Variants in CD274 observed in about 807,000 individuals in gnomAD.
The protein encoded by CD274 is CD274 molecule.
In CD274, 8 loss-of-function variants were observed where a neutral mutation model predicts 30.1. The ratio of observed to expected loss-of-function variants is 0.27; its 90% CI spans 0.16 to 0.48. The LOEUF is 0.48. Ranked by LOEUF, CD274 falls within the 20% of genes least tolerant of loss-of-function variation. CD274 has a pLI of 0.99. For missense variants in CD274, 353 were observed against 346.6 expected, an observed-to-expected ratio of 1.02 and a Z score of -0.15; for synonymous variants, 152 against 124.6, an observed-to-expected ratio of 1.22 and a Z score of -1.46.
In CD274 at chr9:5,463,005, A is replaced by G. The variant is rs1819433319; in HGVS notation, c.566A>G (p.Lys189Arg). The G allele has an allele frequency of 3.1e-6, 5 of 1,614,088 alleles. No individual in the cohort carries two copies. Among genetic ancestry groups the G allele is most frequent in the Non-Finnish European group, 4.2e-6 (5 of 1,179,946 alleles). The change falls in exon 4 of 7, where the codon AAG becomes AGG. Residue 189 changes from lysine (K) to arginine (R), a missense_variant. Physicochemically the swap from Lys to Arg is conservative, Grantham distance 26. Coordinates refer to ENST00000381577, the MANE Select transcript of CD274 (RefSeq NM_014143.4). ...TTTTNSKREE[K>R]LFNVTSTLRI... The stretch of plus-strand genomic sequence containing the variant: ...ACCACCAATTCCAAGAGAGAGGAGA[A>G]GCTTTTCAATGTGACCAGCACACTG...
chr9:5,466,862 G>GAAA, intron 6 of CD274, 33 bp downstream of exon 6: 2 of 1,519,790 alleles, frequency 1.3e-6, no homozygotes, highest in Non-Finnish European at 1.8e-6. Context: ...GGAAGTAAAA[G>GAAA]TCAAAGGAAA....
intron 4 of CD274, 190 bp downstream of exon 4, chr9:5,463,311 A>C (rs758618663): frequency 1.7e-6 from 1 of 596,072 alleles, no homozygotes; most frequent in Non-Finnish European, 3.0e-6. Context: ...ATAAACATTC[A>C]GCAGATATTT....
At chr9:5,460,150 T>C (rs1819379209) in intron 3 of CD274, among the ~76,000 whole-genome samples, 1 of 152,152 alleles carries the variant, frequency 6.6e-6, no homozygotes, top group African/African-American at 2.4e-5. Context: ...AATGAATGAA[T>C]GATTTCCTCA....
At position 5,468,809 on chromosome 9, in the gene CD274, C is replaced by G. The variant is rs1347887671; in HGVS notation, c.*947C>G. On this transcript the variant is annotated 3_prime_UTR_variant, in exon 7 of 7. Transcript: ENST00000381577. Reference sequence around the variant, plus strand: ...CAGACCTCAGACTGCCACCCACTGTCCTTTTATAATACAATTTACAGCTAT... The same window carrying G: ...CAGACCTCAGACTGCCACCCACTGTGCTTTTATAATACAATTTACAGCTAT... 8.6e-6 allele frequency: 2 copies of G among 232,926 alleles called. No homozygotes were observed. Among genetic ancestry groups the G allele is most frequent in the Non-Finnish European group, 1.7e-5 (2 of 117,902 alleles). 14.4% of individuals were successfully genotyped at this position (232,926 alleles called of 1,614,324 possible). A position where few individuals can be genotyped will look rare whatever the true frequency, so the allele number is the denominator to read the frequency against.
chr9:5,469,960 T>G lies in CD274; in HGVS notation c.*2098T>G, dbSNP rs910596373. On this transcript the variant is annotated 3_prime_UTR_variant, in exon 7 of 7. Coordinates refer to ENST00000381577, the MANE Select transcript of CD274 (RefSeq NM_014143.4). ...TTTCTGGAAATTCCGGCAGTGTACC[T>G]TGACTGCTAGCTACCCTGTGCCAGA... The G allele has an allele frequency of 8.6e-6, 2 of 233,118 alleles. No homozygotes were observed. Among genetic ancestry groups the G allele is most frequent in the East Asian group, 6.0e-5 (1 of 16,608 alleles). The allele number at this position is 233,118 out of a possible 1,614,324, so 14.4% of individuals were successfully genotyped here.
At chr9:5,454,248 C>CA (rs796967411) in intron 1 of CD274, among the ~76,000 whole-genome samples, 80 of 151,620 alleles carry the variant, frequency 5.3e-4, no homozygotes, top group African/African-American at 1.8e-3. Context: ...CACAGAACAC[C>CA]AAAAAAAATC....
Position 5,465,619 on chromosome 9 carries a change from T to A in CD274, c.790+13T>A, listed in dbSNP as rs1440976952. 2.1e-6 allele frequency: 3 copies of A among 1,455,726 alleles called. No individual in the cohort carries two copies. Among genetic ancestry groups the A allele is most frequent in the Non-Finnish European group, 2.9e-6 (3 of 1,035,960 alleles). 90.2% of individuals were successfully genotyped at this position (1,455,726 alleles called of 1,614,324 possible). A position where few individuals can be genotyped will look rare whatever the true frequency, so the allele number is the denominator to read the frequency against. ...CGTTTAAGAAAAGGTAGTATTTCCT[T>A]AATTGCAGTGGTCTCCACTGGGGGT... On this transcript the variant is annotated intron_variant, in intron 5 of 6. Coordinates refer to ENST00000381577, the MANE Select transcript of CD274 (RefSeq NM_014143.4).
chr9:5,469,153 G>A lies in CD274; in HGVS notation c.*1291G>A, dbSNP rs912217271. ...AATTTTCATTTACAAAGAGAGGTCGGTACTTAAAATAACCCTGAAAAATAA... is the reference window on the plus strand; with the variant it reads ...AATTTTCATTTACAAAGAGAGGTCGATACTTAAAATAACCCTGAAAAATAA... On this transcript the variant is annotated 3_prime_UTR_variant, in exon 7 of 7. Coordinates refer to ENST00000381577, the MANE Select transcript of CD274 (RefSeq NM_014143.4). The A allele has an allele frequency of 4.3e-6, 1 of 232,992 alleles. No homozygotes were observed. Among genetic ancestry groups the A allele is most frequent in the East Asian group, 6.0e-5 (1 of 16,554 alleles). 14.4% of individuals were successfully genotyped at this position (232,992 alleles called of 1,614,324 possible). A position where few individuals can be genotyped will look rare whatever the true frequency, so the allele number is the denominator to read the frequency against.
In CD274 at chr9:5,457,206, G is replaced by A. The variant is rs1334154990; in HGVS notation, c.180G>A (p.Glu60=). The A allele has an allele frequency of 6.2e-7, 1 of 1,614,070 alleles. No homozygotes were observed. Among genetic ancestry groups the A allele is most frequent in the Non-Finnish European group, 8.5e-7 (1 of 1,179,930 alleles). ...CACTAATTGTCTATTGGGAAATGGA[G>A]GATAAGAACATTATTCAATTTGTGC... is the stretch of plus-strand genomic sequence containing the variant. ...LAALIVYWEM[E]DKNIIQFVHG... Residue 60 remains glutamate (E), a synonymous_variant, in exon 3 of 7, where the codon GAG becomes GAA. Transcript: ENST00000381577.
intron 3 of CD274, among the ~76,000 whole-genome samples, 158 bp from the exon 4 acceptor site, chr9:5,462,676 G>T (rs748809269): frequency 6.6e-6 from 1 of 152,144 alleles, no homozygotes; most frequent in Non-Finnish European, 1.5e-5. Context: ...TTGAGGCAGA[G>T]CTAGCAGGTG....
chr9:5,455,512 A>G (rs925962200), intron 1 of CD274, among the ~76,000 whole-genome samples: 3 of 152,198 alleles, frequency 2.0e-5, no homozygotes, highest in Admixed American at 2.0e-4. Flanking sequence ...TGTTAGTAGA[A>G]GAATCTGTTT....
chr9:5,459,296 A>AT (rs1819362162), intron 3 of CD274, among the ~76,000 whole-genome samples: 1 of 152,190 alleles, frequency 6.6e-6, no homozygotes, highest in African/African-American at 2.4e-5. Context: ...CCATCTTGTC[A>AT]TTTGCATACA....
rs1163988957 is a variant in CD274, at chr9:5,463,219, A to AAATG, written c.682+110_682+113dup. 1.5e-5 allele frequency: 14 copies of AAATG among 905,090 alleles called. No homozygotes were observed. In the Admixed American group the frequency reaches 2.3e-4, roughly 15 times the overall value. The allele number at this position is 905,090 out of a possible 1,614,324, so 56.1% of individuals were successfully genotyped here. ...CATAGTCATTCAGTGATTGTTGAATAAATGAATGAATGAATAACACTATGT... is the reference window on the plus strand; with the variant it reads ...CATAGTCATTCAGTGATTGTTGAATAAATGAATGAATGAATGAATAACACTATGT... On this transcript the variant is annotated intron_variant, in intron 4 of 6. Coordinates refer to ENST00000381577, the MANE Select transcript of CD274 (RefSeq NM_014143.4).
intron 1 of CD274, among the ~76,000 whole-genome samples, chr9:5,453,041 T>C (rs1819235247): frequency 6.6e-6 from 1 of 151,952 alleles, no homozygotes; most frequent in Non-Finnish European, 1.5e-5. Flanking sequence ...AGTAATATTT[T>C]ATAACTGTAC....
At chr9:5,452,498 A>T (rs1160762088) in intron 1 of CD274, among the ~76,000 whole-genome samples, 1 of 152,212 alleles carries the variant, frequency 6.6e-6, no homozygotes, top group Non-Finnish European at 1.5e-5. Flanking sequence ...CTCCATTCGG[A>T]TATGGGAATT....
rs1819522177 is a variant in CD274 at position 5,467,834 on chromosome 9, C to T, written c.851-6C>T. On this transcript the variant is annotated splice_polypyrimidine_tract_variant and splice_region_variant and intron_variant, in intron 6 of 6. Transcript: ENST00000381577. ...ATGAAATTAATATACTATTATCACT[C>T]TCCAGATACACATTTGGAGGAGACG... The T allele has an allele frequency of 6.2e-7, 1 of 1,606,174 alleles. No individual in the cohort carries two copies. Among genetic ancestry groups the T allele is most frequent in the Non-Finnish European group, 8.5e-7 (1 of 1,172,744 alleles).
At position 5,465,542 on chromosome 9, in the gene CD274, A is replaced by T. The variant is rs749591323; in HGVS notation, c.726A>T (p.Val242=). 6.2e-7 allele frequency: 1 copy of T among 1,612,464 alleles called. No homozygotes were observed. The highest frequency in any genetic ancestry group is 8.5e-7 in the Non-Finnish European group (1 of 1,178,502). Residue 242 remains valine (V), a synonymous_variant, in exon 5 of 7, where the codon GTA becomes GTT. Coordinates refer to ENST00000381577, the MANE Select transcript of CD274 (RefSeq NM_014143.4). ...AHPPNERTHL[V]ILGAILLCLG... is the part of the protein sequence containing the mutation. ...CTCCAAATGAAAGGACTCACTTGGT[A>T]ATTCTGGGAGCCATCTTATTATGCC...
chr9:5,461,922 A>G (rs892486551), intron 3 of CD274, among the ~76,000 whole-genome samples: 3 of 152,148 alleles, frequency 2.0e-5, no homozygotes, highest in African/African-American at 4.8e-5. Context: ...AGCATCCCAG[A>G]ACAGAAAAAG....
Position 5,465,566 on chromosome 9 carries a change from C to G in CD274, c.750C>G (p.Cys250Trp), listed in dbSNP as rs1178197251. The G allele has an allele frequency of 9.9e-6, 16 of 1,609,464 alleles. No homozygotes were observed. Among genetic ancestry groups the G allele is most frequent in the African/African-American group, 1.3e-5 (1 of 74,800 alleles). Residue 250 changes from cysteine (C) to tryptophan (W), a missense_variant, in exon 5 of 7, where the codon TGC becomes TGG. Cys to Trp is a radical substitution (Grantham distance 215, BLOSUM62 -2). Coordinates refer to ENST00000381577, the MANE Select transcript of CD274 (RefSeq NM_014143.4). The part of the protein sequence containing the change: ...HLVILGAILL[C>W]LGVALTFIFR... ...TAATTCTGGGAGCCATCTTATTATG[C>G]CTTGGTGTAGCACTGACATTCATCT...
Sources: gnomAD v4.1 joint callset for allele counts (sites outside exome capture counted in the v4.1 genomes callset) on GRCh38, gnomAD v4.1.1 for gene constraint, MANE v1.5 for transcripts, NCBI Gene and HGNC (gene_info 2026-07-23, HGNC 2026-07-21) for gene names.